SMC3: variants seen among roughly 807,000 people sequenced by gnomAD.
SMC3 encodes structural maintenance of chromosomes protein 3.
A neutral mutation model predicts 171.8 loss-of-function variants in SMC3; 20 were observed. That is an observed-to-expected ratio of 0.12 (90% CI 0.08 to 0.17). The LOEUF is 0.17. SMC3 is among the 10% of genes least tolerant of loss of function. The pLI, the probability that SMC3 is intolerant of heterozygous loss-of-function variation, is 1.00. For synonymous variants in SMC3, 464 were observed against 451.1 expected (o/e 1.03, Z -0.36); for missense variants, 543 against 1,420.4 (o/e 0.38, Z 9.93).
At chr10:110,572,459 C>T (rs956362690) in intron 2 of SMC3, among the ~76,000 whole-genome samples, 1 of 152,142 alleles carries the variant, frequency 6.6e-6, no homozygotes, top group Non-Finnish European at 1.5e-5. Context: ...TTTCCACAGC[C>T]TTCCTTTGTC....
chr10:110,568,411 CA>C (rs1225269157), intron 1 of SMC3: 1 of 170,018 alleles, frequency 5.9e-6, no homozygotes, highest in African/African-American at 2.4e-5. Context: ...TTACTTCTGT[CA>C]AAATGGTCTT....
intron 7 of SMC3, among the ~76,000 whole-genome samples, chr10:110,580,366 G>A (rs1861013688): frequency 6.6e-6 from 1 of 152,058 alleles, no homozygotes; most frequent in Non-Finnish European, 1.5e-5. Flanking sequence ...TTTGAGAATG[G>A]AGCTCATCTT....
At chr10:110,593,558 C>T (rs182444909) in intron 18 of SMC3, among the ~76,000 whole-genome samples, 12 of 151,286 alleles carry the variant, frequency 7.9e-5, no homozygotes, top group African/African-American at 2.7e-4. Flanking sequence ...GGTGACAGAG[C>T]GAGACTCTGT....
rs1223561911 is a variant in SMC3 at position 110,605,863 on chromosome 10, T to G, written c.*1561T>G. Among the ~76,000 whole-genome samples the G allele has an allele frequency of 6.6e-6, 1 of 152,230 alleles. No homozygotes were observed. The highest frequency in any genetic ancestry group is 1.5e-5 in the Non-Finnish European group (1 of 68,042). On this transcript the variant is annotated 3_prime_UTR_variant, in exon 29 of 29. Coordinates refer to ENST00000361804, the MANE Select transcript of SMC3 (RefSeq NM_005445.4). ...TACGATTTGTAGAGTTGCTCTGATA[T>G]GACCAACCCCTTATAATACAGAATT...
intron 1 of SMC3, 48 bp from the exon 2 acceptor site, chr10:110,568,890 T>TA: frequency 9.4e-7 from 1 of 1,064,638 alleles, no homozygotes; most frequent in African/African-American, 1.7e-5. Context: ...AGAAAAATGT[T>TA]AATTTTTTTT....
intron 5 of SMC3, 108 bp downstream of exon 5, chr10:110,577,600 T>C: frequency 1.3e-6 from 1 of 795,352 alleles, no homozygotes; most frequent in South Asian, 1.6e-5. Context: ...AATTACAGTT[T>C]ATATACTGAT....
chr10:110,580,568 A>G (rs747461234), intron 7 of SMC3, among the ~76,000 whole-genome samples: 25 of 152,224 alleles, frequency 1.6e-4, no homozygotes, highest in Admixed American at 8.5e-4. Flanking sequence ...CCAAATCATA[A>G]TCTGTTTAAA....
chr10:110,568,224 C>G (rs955778621), intron 1 of SMC3: 14 of 293,538 alleles, frequency 4.8e-5, no homozygotes, highest in African/African-American at 3.2e-4. Context: ...CCTCACACGG[C>G]CCATGTGCCT....
Position 110,587,014 on chromosome 10 carries a change from T to G in SMC3, c.1306-2591T>G, listed in dbSNP as rs540873363. ...AATTAATTTTTCCACAGTGTATTTT[T>G]AAAACCTGCAGTATGAAAAATAAAA... On this transcript the variant is annotated intron_variant, in intron 13 of 28. Transcript: ENST00000361804. Among the ~76,000 whole-genome samples, 306 of 152,370 alleles carry G rather than the reference T, an allele frequency of 2.0e-3. 1 individual carries two copies. Among genetic ancestry groups the G allele is most frequent in the African/African-American group, 6.6e-3 (273 of 41,586 alleles).
Position 110,575,394 on chromosome 10 carries a change from T to A in SMC3, c.189T>A (p.Ala63=). 6.2e-7 allele frequency: 1 copy of A among 1,611,844 alleles called. No homozygotes were observed. Among genetic ancestry groups the A allele is most frequent in the Non-Finnish European group, 8.5e-7 (1 of 1,178,042 alleles). The change falls in exon 4 of 29, where the codon GCT becomes GCA. Residue 63 remains alanine, a synonymous_variant. Transcript: ENST00000361804. The part of the protein sequence containing the change: ...FSHLRPEQRL[A]LLHEGTGPRV... ...ATCTTCGTCCAGAACAGCGGTTGGC[T>A]TTATTGCATGTGAGTGAGACTGCTT...
intron 13 of SMC3, among the ~76,000 whole-genome samples, chr10:110,587,657 G>T (rs1861142638): frequency 6.7e-6 from 1 of 149,158 alleles, no homozygotes; most frequent in Non-Finnish European, 1.5e-5. Context: ...CTGCACTCCA[G>T]CCTGGACGAC....
intron 13 of SMC3, among the ~76,000 whole-genome samples, chr10:110,587,143 A>T (rs1157860091): frequency 6.6e-6 from 1 of 152,228 alleles, no homozygotes; most frequent in Non-Finnish European, 1.5e-5. Flanking sequence ...AACTTATGTC[A>T]GTGGTATCTT....
intron 25 of SMC3, 42 bp downstream of exon 25, chr10:110,602,220 A>G (rs1861398573): frequency 6.6e-7 from 1 of 1,519,764 alleles, no homozygotes; most frequent in African/African-American, 1.4e-5. Context: ...ACAGAGGACA[A>G]AAGCTTCCAG....
chr10:110,591,224 C>G (rs1861200121), intron 17 of SMC3, 92 bp downstream of exon 17: 12 of 1,238,692 alleles, frequency 9.7e-6, no homozygotes, highest in Middle Eastern at 2.7e-4. Flanking sequence ...GCACTATACA[C>G]TGGGATTCAG....
chr10:110,593,771 TGAG>T (rs1401838959), intron 18 of SMC3, among the ~76,000 whole-genome samples: 1 of 151,872 alleles, frequency 6.6e-6, no homozygotes, highest in South Asian at 2.1e-4. Context: ...GTGGATAACT[TGAG>T]GAGGGAATTC....
rs555886077 is a variant in SMC3 at position 110,584,332 on chromosome 10, C to T, written c.1241C>T (p.Ala414Val). The T allele has an allele frequency of 8.3e-5, 134 of 1,613,948 alleles. No individual in the cohort carries two copies. In the South Asian group the frequency reaches 1.3e-3, roughly 16 times the overall value. Residue 414 changes from alanine (A) to valine (V), a missense_variant, in exon 13 of 29, where the codon GCT (alanine) becomes GTT (valine). Ala to Val is a moderately conservative substitution (Grantham distance 64). This residue lies in a region of SMC3 where 218 missense variants were observed against 509.6 expected (regional missense o/e 0.43). Coordinates refer to ENST00000361804, the MANE Select transcript of SMC3 (RefSeq NM_005445.4). ...QAINDKKRQI[A>V]AIHKDLEDTE... ...ATTAATGACAAGAAAAGACAGATTG[C>T]TGCTATACATAAGGATTTGGAAGAC...
At position 110,580,575 on chromosome 10, in the gene SMC3, T is replaced by G. The variant is rs79841045; in HGVS notation, c.430-329T>G. Reference sequence around the variant, plus strand: ...GACATTAGCCAAATCATAATCTGTTTAAAACTTGGCATGTCCCAAATTCAA... The same window carrying G: ...GACATTAGCCAAATCATAATCTGTTGAAAACTTGGCATGTCCCAAATTCAA... On this transcript the variant is annotated intron_variant, in intron 7 of 28. Coordinates refer to ENST00000361804, the MANE Select transcript of SMC3 (RefSeq NM_005445.4). Among the ~76,000 whole-genome samples, 457 of 152,348 alleles carry G rather than the reference T, an allele frequency of 3.0e-3. 1 individual carries two copies. Among genetic ancestry groups the G allele is most frequent in the Middle Eastern group, 0.01 (3 of 294 alleles).
intron 19 of SMC3, among the ~76,000 whole-genome samples, chr10:110,597,605 T>G (rs1487695017): frequency 2.0e-5 from 3 of 152,190 alleles, no homozygotes; most frequent in African/African-American, 7.2e-5. Flanking sequence ...TATCGCACTT[T>G]AAAGAACTGC....
Position 110,604,871 on chromosome 10 carries a change from C to G in SMC3, c.*569C>G, listed in dbSNP as rs1331013752. On this transcript the variant is annotated 3_prime_UTR_variant, in exon 29 of 29. Coordinates refer to ENST00000361804, the MANE Select transcript of SMC3 (RefSeq NM_005445.4). ...TTGATACATTACTATCAACTAAGCT[C>G]AAGATTTTATTCAGATTTGACTAGT... is the stretch of plus-strand genomic sequence containing the variant. Among the ~76,000 whole-genome samples the G allele has an allele frequency of 6.6e-6, 1 of 152,122 alleles. No homozygotes were observed. The highest frequency in any genetic ancestry group is 2.4e-5 in the African/African-American group (1 of 41,426).
Sources: gnomAD v4.1 joint callset for allele counts (sites outside exome capture counted in the v4.1 genomes callset) on GRCh38, gnomAD v4.1.1 for gene constraint, gnomAD v4.1.1 regional missense constraint, MANE v1.5 for transcripts, NCBI Gene and HGNC (gene_info 2026-07-23, HGNC 2026-07-21) for gene names.